PRP4K: variants seen among roughly 807,000 people sequenced by gnomAD.
The protein encoded by PRP4K is pre-mRNA processing factor kinase PRP4K.
chr6:4,037,167 A>G, the PRP4K span, among the ~76,000 whole-genome samples: 1 of 152,106 alleles, frequency 6.6e-6, no homozygotes. Context: ...AATAACCTTT[A>G]GTAATTTTTC....
At chr6:4,051,726 A>T in the PRP4K span, among the ~76,000 whole-genome samples, 1 of 152,312 alleles carries the variant, frequency 6.6e-6, no homozygotes, top group South Asian at 2.1e-4. Context: ...TTGTGCAGTG[A>T]TTATTTTGGA....
At chr6:4,049,246 C>G in the PRP4K span, 2 of 746,640 alleles carry the variant, frequency 2.7e-6, no homozygotes, top group African/African-American at 3.6e-5. Flanking sequence ...GCACATCCAA[C>G]AGCTGCATGA....
At chr6:4,029,012 C>CTTT in the PRP4K span, among the ~76,000 whole-genome samples, 145 of 132,500 alleles carry the variant, frequency 1.1e-3, 5 homozygotes, top group African/African-American at 1.7e-3. Context: ...TACTTGGAAT[C>CTTT]TTTTTTTTTT....
the PRP4K span, among the ~76,000 whole-genome samples, chr6:4,034,830 A>G: frequency 6.6e-6 from 1 of 151,352 alleles, no homozygotes; most frequent in Non-Finnish European, 1.5e-5. Flanking sequence ...CTCCTGCCTC[A>G]GCCTCCCAAG....
At chr6:4,056,524 C>G in the PRP4K span, 2 of 1,606,876 alleles carry the variant, frequency 1.2e-6, no homozygotes, top group South Asian at 2.2e-5. Context: ...CATCACACTT[C>G]AGCAGCTGCA....
chr6:4,054,357 G>A, the PRP4K span, among the ~76,000 whole-genome samples: 101 of 151,996 alleles, frequency 6.6e-4, no homozygotes, highest in Non-Finnish European at 1.2e-3. Context: ...TTAGTAATGA[G>A]GTGTATTCCA....
At chr6:4,027,829 C>T in the PRP4K span, among the ~76,000 whole-genome samples, 1 of 152,126 alleles carries the variant, frequency 6.6e-6, no homozygotes, top group Non-Finnish European at 1.5e-5. Context: ...ACTCAGCTGT[C>T]CTTTGTCTTG....
the PRP4K span, chr6:4,057,250 C>G: frequency 6.5e-7 from 1 of 1,538,174 alleles, no homozygotes; most frequent in Non-Finnish European, 8.9e-7. Context: ...AGACTGCTGA[C>G]ACTTGCTCAC....
At chr6:4,032,345 A>G in the PRP4K span, 2 of 1,613,912 alleles carry the variant, frequency 1.2e-6, no homozygotes, top group Non-Finnish European at 1.7e-6. Context: ...ATAGGAAAAA[A>G]TCCCCAATTA....
the PRP4K span, among the ~76,000 whole-genome samples, chr6:4,054,112 G>T: frequency 6.6e-6 from 1 of 151,970 alleles, no homozygotes; most frequent in Non-Finnish European, 1.5e-5. Flanking sequence ...GATGAGGTTT[G>T]GCTGGTCTCA....
the PRP4K span, among the ~76,000 whole-genome samples, chr6:4,044,862 TA>T: frequency 0.035 from 4,164 of 118,510 alleles, 216 homozygotes; most frequent in African/African-American, 0.12. Context: ...TTATTATTAT[TA>T]TTTTTTTTTT....
chr6:4,046,598 G>T, the PRP4K span, among the ~76,000 whole-genome samples: 1 of 151,776 alleles, frequency 6.6e-6, no homozygotes, highest in Non-Finnish European at 1.5e-5. Context: ...TGAAGTCATT[G>T]CTTAGCTATT....
At chr6:4,037,654 G>T in the PRP4K span, 4 of 1,330,740 alleles carry the variant, frequency 3.0e-6, no homozygotes, top group Non-Finnish European at 4.0e-6. Flanking sequence ...TTTTCTTTTA[G>T]ACCAGTTTTC....
chr6:4,027,094 A>G, the PRP4K span, among the ~76,000 whole-genome samples: 1 of 152,188 alleles, frequency 6.6e-6, no homozygotes, highest in African/African-American at 2.4e-5. Flanking sequence ...TTTGCTCTGA[A>G]TAAGGTAGAA....
chr6:4,031,525 A>G, the PRP4K span: 4 of 1,368,816 alleles, frequency 2.9e-6, no homozygotes, highest in Non-Finnish European at 3.0e-6. Context: ...TTGATAAATG[A>G]TATGATTTTA....
At chr6:4,035,838 A>G in the PRP4K span, among the ~76,000 whole-genome samples, 13 of 152,170 alleles carry the variant, frequency 8.5e-5, 1 homozygote, top group Admixed American at 6.5e-4. Flanking sequence ...GTGGTTGCTC[A>G]TGCCTGTAAT....
At chr6:4,031,513 A>G in the PRP4K span, 5 of 1,320,466 alleles carry the variant, frequency 3.8e-6, no homozygotes, top group Non-Finnish European at 5.2e-6. Flanking sequence ...CTCTTTGAAT[A>G]CTTGATAAAT....
At chr6:4,021,505 G>C in the PRP4K span, 4 of 1,563,444 alleles carry the variant, frequency 2.6e-6, no homozygotes, top group Non-Finnish European at 8.7e-7. Flanking sequence ...GCTGGAGCCC[G>C]GGGACTGCCG....
chr6:4,042,738 A>C, the PRP4K span, among the ~76,000 whole-genome samples: 1 of 152,184 alleles, frequency 6.6e-6, no homozygotes, highest in Non-Finnish European at 1.5e-5. Flanking sequence ...TAAAACTGAG[A>C]TGGTTGCTCT....
Sources: allele counts gnomAD v4.1 joint callset (sites outside exome capture counted in the v4.1 genomes callset), GRCh38; gene constraint gnomAD v4.1.1; transcripts MANE v1.5; gene names NCBI Gene and HGNC (gene_info 2026-07-23, HGNC 2026-07-21).